The following CSMD1 variants were observed in gnomAD, a reference collection of about 807,000 sequenced individuals.
CSMD1 encodes the protein CUB and Sushi multiple domains 1.
In CSMD1, 213 loss-of-function variants were observed where a neutral mutation model predicts 417.5. That is an observed-to-expected ratio of 0.51 (90% CI 0.46 to 0.57). CSMD1 has a LOEUF of 0.57. CSMD1 is among the 20% of genes least tolerant of loss of function. The probability of loss-of-function intolerance (pLI) is 0.00; values close to 1 mark genes in which losing one functional copy is unlikely to be tolerated. For synonymous variants in CSMD1, 2,862 were observed against 1,736.8 expected, an observed-to-expected ratio of 1.65 and a Z score of -16.11; for missense variants, 6,923 against 4,529.7, an observed-to-expected ratio of 1.53 and a Z score of -15.17.
At chr8:4,018,031 T>C (rs1390434697) in intron 4 of CSMD1, among the ~76,000 whole-genome samples, 2 of 151,978 alleles carry the variant, frequency 1.3e-5, no homozygotes, top group Non-Finnish European at 2.9e-5. Context: ...GTAACTGTCA[T>C]ACCCATGAAA....
At chr8:4,922,808 T>C (rs1806584252) in intron 1 of CSMD1, among the ~76,000 whole-genome samples, 1 of 152,176 alleles carries the variant, frequency 6.6e-6, no homozygotes. Flanking sequence ...TGTTTCCTTC[T>C]ACACAGGGAA....
chr8:4,195,840 G>A (rs1256480966), intron 3 of CSMD1, among the ~76,000 whole-genome samples: 1 of 152,098 alleles, frequency 6.6e-6, no homozygotes, highest in African/African-American at 2.4e-5. Context: ...GGAGGCAGTG[G>A]AATTAACGCC....
chr8:3,862,266 A>G (rs936571874), intron 5 of CSMD1, among the ~76,000 whole-genome samples: 2 of 152,164 alleles, frequency 1.3e-5, no homozygotes, highest in African/African-American at 4.8e-5. Context: ...GGGGACTGTG[A>G]TAACTTACCA....
intron 5 of CSMD1, among the ~76,000 whole-genome samples, chr8:3,978,084 G>A (rs80112393): frequency 0.023 from 3,533 of 152,204 alleles, 149 homozygotes; most frequent in African/African-American, 0.081. Context: ...TGTGAAACTC[G>A]GTGTCTGTGA....
rs140973405 is a variant in CSMD1, at chr8:4,738,903, T to TAGTGTGTGTGTGTGTG, written c.86-101346_86-101345insCACACACACACACACT. Among the ~76,000 whole-genome samples, 1,400 of 147,490 alleles carry TAGTGTGTGTGTGTGTG rather than the reference T, an allele frequency of 9.5e-3. 14 individuals are homozygous for TAGTGTGTGTGTGTGTG. Among genetic ancestry groups the TAGTGTGTGTGTGTGTG allele is most frequent in the Middle Eastern group, 0.021 (6 of 280 alleles). On this transcript the variant is annotated intron_variant, in intron 1 of 69. Transcript: ENST00000635120. ...CTATTATACTTAAAATTCTGTGTGT[T>TAGTGTGTGTGTGTGTG]TGTGTGTGTGTGTGTGTGTATGTGT...
At position 3,947,937 on chromosome 8, in the gene CSMD1, G is replaced by A. The variant is rs117607851; in HGVS notation, c.818+49966C>T. Among the ~76,000 whole-genome samples the A allele has an allele frequency of 3.9e-3, 593 of 152,254 alleles. 9 individuals carry two copies. In the South Asian group the frequency reaches 0.051, roughly 13 times the overall value. On this transcript the variant is annotated intron_variant, in intron 5 of 69. Coordinates refer to ENST00000635120, the MANE Select transcript of CSMD1 (RefSeq NM_033225.6). ...TCTCCAATGGTAGGCTGGGGGTGGCGTCTCATGCCTGTAATCCCAGCACTT... is the reference window on the plus strand; with the variant it reads ...TCTCCAATGGTAGGCTGGGGGTGGCATCTCATGCCTGTAATCCCAGCACTT...
At chr8:4,114,508 C>G (rs1003416030) in intron 3 of CSMD1, among the ~76,000 whole-genome samples, 8 of 152,196 alleles carry the variant, frequency 5.3e-5, no homozygotes, top group Non-Finnish European at 1.5e-5. Flanking sequence ...AATATCCATT[C>G]TGCAGCCCAT....
At chr8:3,549,013 G>C (rs78309366) in intron 10 of CSMD1, among the ~76,000 whole-genome samples, 9,649 of 152,122 alleles carry the variant, frequency 0.063, 638 homozygotes, top group African/African-American at 0.16. Flanking sequence ...TCACCCTCTA[G>C]CCTTGTTTCA....
At chr8:4,399,557 T>C (rs574536258) in intron 3 of CSMD1, among the ~76,000 whole-genome samples, 1 of 152,174 alleles carries the variant, frequency 6.6e-6, no homozygotes, top group East Asian at 1.9e-4. Context: ...CTAACTGGCA[T>C]AATCCCCCTT....
rs540563700 is a variant in CSMD1, at chr8:4,049,481, C to T, written c.416-17382G>A. ...CAGTCCCTGGCATTCAAATACCATG[C>T]ATATTTGAATCCCCTTTTTGAATAA... On this transcript the variant is annotated intron_variant, in intron 3 of 69. Transcript: ENST00000635120. Among the ~76,000 whole-genome samples the T allele has an allele frequency of 1.1e-3, 162 of 151,678 alleles. 2 individuals are homozygous for T. The highest frequency in any genetic ancestry group is 3.9e-3 in the African/African-American group (160 of 41,352).
intron 7 of CSMD1, among the ~76,000 whole-genome samples, chr8:3,635,225 C>T (rs1029406672): frequency 2.0e-5 from 3 of 152,054 alleles, no homozygotes; most frequent in Admixed American, 6.6e-5. Context: ...CCTGTAATCC[C>T]AGCACTTTCA....
chr8:4,465,038 G>A (rs567836393), intron 2 of CSMD1, among the ~76,000 whole-genome samples: 5 of 152,086 alleles, frequency 3.3e-5, no homozygotes, highest in Non-Finnish European at 7.4e-5. Flanking sequence ...GGAAAAAAGG[G>A]AAACACAACA....
intron 2 of CSMD1, among the ~76,000 whole-genome samples, chr8:4,627,687 C>G (rs1191771527): frequency 6.6e-6 from 1 of 152,138 alleles, no homozygotes; most frequent in East Asian, 1.9e-4. Flanking sequence ...ATGCCCCAGC[C>G]TCTGCTGGCT....
intron 1 of CSMD1, among the ~76,000 whole-genome samples, chr8:4,766,395 C>T (rs749517515): frequency 6.6e-6 from 1 of 152,126 alleles, no homozygotes; most frequent in Non-Finnish European, 1.5e-5. Flanking sequence ...ACGAGAACAT[C>T]GTCCAAAGCC....
intron 18 of CSMD1, among the ~76,000 whole-genome samples, chr8:3,372,875 G>C (rs1810060802): frequency 6.6e-6 from 1 of 152,164 alleles, no homozygotes; most frequent in African/African-American, 2.4e-5. Context: ...CTTCCATAGA[G>C]GGAACTAATG....
At chr8:4,304,911 A>C (rs943952548) in intron 3 of CSMD1, among the ~76,000 whole-genome samples, 41 of 152,292 alleles carry the variant, frequency 2.7e-4, no homozygotes, top group African/African-American at 9.4e-4. Flanking sequence ...ATTAAGGTGT[A>C]ACGATGAGAT....
chr8:3,322,260 T>A (rs1356270469), intron 23 of CSMD1, among the ~76,000 whole-genome samples: 1 of 152,206 alleles, frequency 6.6e-6, no homozygotes, highest in African/African-American at 2.4e-5. Context: ...CACCTCCTGA[T>A]GAATCATTTT....
chr8:4,521,073 G>A (rs1269691995), intron 2 of CSMD1, among the ~76,000 whole-genome samples: 1 of 152,078 alleles, frequency 6.6e-6, no homozygotes, highest in African/African-American at 2.4e-5. Context: ...AGATATTAAA[G>A]AGTTCCTCTT....
chr8:4,936,521 T>C (rs1004875534), intron 1 of CSMD1, among the ~76,000 whole-genome samples: 10 of 152,222 alleles, frequency 6.6e-5, no homozygotes, highest in African/African-American at 2.4e-4. Flanking sequence ...ATTGGATGGA[T>C]TGTACCTTCG....
Sources: allele counts gnomAD v4.1 joint callset (sites outside exome capture counted in the v4.1 genomes callset), GRCh38; gene constraint gnomAD v4.1.1; transcripts MANE v1.5; gene names NCBI Gene and HGNC (gene_info 2026-07-23, HGNC 2026-07-21).